The following PHKB variants were observed in gnomAD, a reference collection of about 807,000 sequenced individuals.
PHKB encodes the protein phosphorylase b kinase regulatory subunit beta.
Under a neutral mutation model 152.1 loss-of-function variants are expected in PHKB, and 122 were observed. The observed-to-expected ratio is 0.80, with a 90% CI of 0.69 to 0.93. The LOEUF (loss-of-function observed/expected upper bound fraction) is 0.93. PHKB is among the 40% of genes least tolerant of loss of function. The pLI, the probability that PHKB is intolerant of heterozygous loss-of-function variation, is 0.00. For missense variants in PHKB, 1,304 were observed against 1,328.4 expected (o/e 0.98, Z 0.29); for synonymous variants, 436 against 464.9 (o/e 0.94, Z 0.80).
At chr16:47,613,150 G>A (rs1972457973) in intron 14 of PHKB, among the ~76,000 whole-genome samples, 2 of 152,188 alleles carry the variant, frequency 1.3e-5, no homozygotes, top group South Asian at 4.1e-4. Context: ...CTCAGCCACT[G>A]TAATTCACTA....
At chr16:47,513,382 C>A (rs775190473) in intron 5 of PHKB, among the ~76,000 whole-genome samples, 4 of 152,188 alleles carry the variant, frequency 2.6e-5, no homozygotes, top group African/African-American at 4.8e-5. Context: ...AAACCCTTCT[C>A]ACCATGCAAC....
In PHKB at chr16:47,663,360, T is replaced by C. The variant is rs1441865882; in HGVS notation, c.2279-317T>C. On this transcript the variant is annotated intron_variant, in intron 23 of 30. Transcript: ENST00000323584. ...GCTAATTATTTTACTATATTCTCTT[T>C]TCTTCTTTTCTGCAGTAAATTAGAA... Among the ~76,000 whole-genome samples the C allele has an allele frequency of 2.0e-5, 3 of 152,304 alleles. No individual in the cohort carries two copies. The South Asian group carries it at 6.2e-4, about 32-fold the overall frequency.
intron 14 of PHKB, among the ~76,000 whole-genome samples, chr16:47,616,616 TATC>T (rs912752114): frequency 9.0e-4 from 131 of 145,868 alleles, no homozygotes; most frequent in Non-Finnish European, 5.0e-4. Context: ...TACATATAAA[TATC>T]ATATATTAAT....
At chr16:47,652,596 G>T (rs182577058) in intron 20 of PHKB, among the ~76,000 whole-genome samples, 7 of 151,912 alleles carry the variant, frequency 4.6e-5, no homozygotes, top group African/African-American at 1.4e-4. Flanking sequence ...TGACTGGTGT[G>T]GGATGGTATC....
intron 6 of PHKB, among the ~76,000 whole-genome samples, chr16:47,542,590 C>T (rs1971080106): frequency 6.6e-6 from 1 of 152,184 alleles, no homozygotes; most frequent in African/African-American, 2.4e-5. Flanking sequence ...TTACCTTGGG[C>T]AGTATGGCCG....
intron 7 of PHKB, among the ~76,000 whole-genome samples, chr16:47,552,756 G>T (rs1356304761): frequency 1.3e-5 from 2 of 151,932 alleles, no homozygotes; most frequent in Non-Finnish European, 2.9e-5. Flanking sequence ...GGCAGAGTTT[G>T]TGGTGAGCCA....
chr16:47,487,551 G>T (rs993983031), intron 1 of PHKB, among the ~76,000 whole-genome samples: 1 of 152,018 alleles, frequency 6.6e-6, no homozygotes, highest in Admixed American at 6.6e-5. Context: ...CAGGTAATGA[G>T]CATAGTACCC....
At chr16:47,521,262 T>C (rs1421273687) in intron 6 of PHKB, among the ~76,000 whole-genome samples, 2 of 152,220 alleles carry the variant, frequency 1.3e-5, no homozygotes, top group Non-Finnish European at 2.9e-5. Flanking sequence ...TTTCCCTGGA[T>C]AGATGCTCCA....
intron 1 of PHKB, 26 bp downstream of exon 1, chr16:47,461,452 C>T (rs1969552527): frequency 1.2e-6 from 2 of 1,610,542 alleles, no homozygotes; most frequent in Non-Finnish European, 1.7e-6. Context: ...GCGCCGCCCC[C>T]CACCCGAGTA....
At chr16:47,471,322 T>C (rs1969763506) in intron 1 of PHKB, among the ~76,000 whole-genome samples, 1 of 152,006 alleles carries the variant, frequency 6.6e-6, no homozygotes, top group Non-Finnish European at 1.5e-5. Flanking sequence ...ATGGGCAGGG[T>C]CTTGGGAGCC....
At chr16:47,532,070 C>G (rs1422885311) in intron 6 of PHKB, among the ~76,000 whole-genome samples, 2 of 151,922 alleles carry the variant, frequency 1.3e-5, no homozygotes, top group East Asian at 1.9e-4. Flanking sequence ...TTTAAAAAAC[C>G]CTCAATTTAA....
chr16:47,475,076 A>G (rs886796916), intron 1 of PHKB, among the ~76,000 whole-genome samples: 9 of 152,138 alleles, frequency 5.9e-5, no homozygotes, highest in African/African-American at 1.9e-4. Flanking sequence ...TTAACTTTTT[A>G]TAATTCGCAT....
intron 7 of PHKB, chr16:47,566,579 A>G (rs558170254): frequency 1.0e-4 from 153 of 1,534,402 alleles, no homozygotes; most frequent in Non-Finnish European, 1.3e-4. Context: ...CTTCTGTCAC[A>G]TCATAGGGTA....
At chr16:47,544,070 T>A (rs1971113185) in intron 6 of PHKB, among the ~76,000 whole-genome samples, 1 of 152,220 alleles carries the variant, frequency 6.6e-6, no homozygotes, top group Non-Finnish European at 1.5e-5. Flanking sequence ...TGAAGGATTT[T>A]TTGTTTCTCT....
intron 18 of PHKB, 22 bp downstream of exon 18, chr16:47,649,226 TA>T (rs759482489): frequency 2.5e-6 from 3 of 1,224,342 alleles, no homozygotes; most frequent in South Asian, 2.4e-5. Flanking sequence ...ACACCTTTCT[TA>T]AAAATGGAAT....
intron 1 of PHKB, among the ~76,000 whole-genome samples, chr16:47,472,898 G>T (rs1428943346): frequency 2.0e-5 from 3 of 152,102 alleles, no homozygotes; most frequent in Non-Finnish European, 4.4e-5. Flanking sequence ...TCGCACCACT[G>T]CACTCCAGCC....
At chr16:47,540,572 C>G (rs1971036878) in intron 6 of PHKB, among the ~76,000 whole-genome samples, 1 of 151,812 alleles carries the variant, frequency 6.6e-6, no homozygotes, top group Admixed American at 6.6e-5. Flanking sequence ...CCTGGCGGCC[C>G]AGCTGTAAAA....
At chr16:47,605,613 G>A (rs1972308285) in intron 13 of PHKB, among the ~76,000 whole-genome samples, 1 of 152,104 alleles carries the variant, frequency 6.6e-6, no homozygotes. Context: ...TAGAATATCA[G>A]TGTACTAATC....
intron 13 of PHKB, among the ~76,000 whole-genome samples, chr16:47,605,296 G>GT (rs1463114142): frequency 6.6e-6 from 1 of 152,198 alleles, no homozygotes. Context: ...AGCACGTGGT[G>GT]TAAGTGGGAA....
Sources: gnomAD v4.1 joint callset for allele counts (sites outside exome capture counted in the v4.1 genomes callset) on GRCh38, gnomAD v4.1.1 for gene constraint, MANE v1.5 for transcripts, NCBI Gene and HGNC (gene_info 2026-07-23, HGNC 2026-07-21) for gene names.